SLC14A2: variants seen among roughly 807,000 people sequenced by gnomAD.
The protein encoded by SLC14A2 is urea transporter 2.
SLC14A2 carries 91 observed loss-of-function variants against 104.6 expected under a neutral mutation model. The ratio of observed to expected loss-of-function variants is 0.87; its 90% CI spans 0.73 to 1.04. The LOEUF (loss-of-function observed/expected upper bound fraction) is 1.04, where lower values mean the gene tolerates loss of function less well. SLC14A2 is among the 50% of genes least tolerant of loss of function. The pLI, the probability that SLC14A2 is intolerant of heterozygous loss-of-function variation, is 0.00. For missense variants in SLC14A2, 1,189 were observed against 1,156.0 expected (o/e 1.03, Z -0.41); for synonymous variants, 476 against 466.4 (o/e 1.02, Z -0.27).
At chr18:45,413,990 A>G (rs2086242315) in intron 1 of SLC14A2, among the ~76,000 whole-genome samples, 1 of 152,254 alleles carries the variant, frequency 6.6e-6, no homozygotes, top group African/African-American at 2.4e-5. Context: ...CTATATTTGA[A>G]GAATGAGACC....
At chr18:45,595,764 C>T (rs928587109) in intron 2 of SLC14A2, among the ~76,000 whole-genome samples, 2 of 152,144 alleles carry the variant, frequency 1.3e-5, no homozygotes, top group Admixed American at 6.5e-5. Flanking sequence ...AGGTACTCAG[C>T]GGCAGCCTTT....
chr18:45,355,924 A>T (rs1331539178), intron 1 of SLC14A2, among the ~76,000 whole-genome samples: 1 of 152,208 alleles, frequency 6.6e-6, no homozygotes, highest in Non-Finnish European at 1.5e-5. Flanking sequence ...GGAGCTGAAT[A>T]CAGGAGCTGG....
chr18:45,494,345 G>A (rs192122449), intron 2 of SLC14A2, among the ~76,000 whole-genome samples: 16 of 152,294 alleles, frequency 1.1e-4, no homozygotes, highest in Non-Finnish European at 1.9e-4. Context: ...GAAACAAGAA[G>A]TGCCGCTTCT....
intron 2 of SLC14A2, among the ~76,000 whole-genome samples, chr18:45,598,902 T>TTACC: frequency 6.6e-6 from 1 of 152,186 alleles, no homozygotes; most frequent in Non-Finnish European, 1.5e-5. Flanking sequence ...TTTAACTTTC[T>TTACC]TACCCCAAGG....
intron 1 of SLC14A2, among the ~76,000 whole-genome samples, chr18:45,328,205 A>T (rs992878596): frequency 6.6e-6 from 1 of 152,160 alleles, no homozygotes; most frequent in Non-Finnish European, 1.5e-5. Context: ...CCTGCCTCTC[A>T]TATGAAAGCA....
At chr18:45,440,141 G>A (rs926352706) in intron 1 of SLC14A2, among the ~76,000 whole-genome samples, 3 of 152,110 alleles carry the variant, frequency 2.0e-5, no homozygotes. Context: ...AAAGGAGTAT[G>A]AATATGGGCC....
intron 1 of SLC14A2, among the ~76,000 whole-genome samples, chr18:45,419,032 T>C (rs576156243): frequency 6.6e-6 from 1 of 152,324 alleles, no homozygotes; most frequent in East Asian, 1.9e-4. Flanking sequence ...TAGAGTCTCT[T>C]CATTTGATTT....
At chr18:45,355,633 G>A (rs572908258) in intron 1 of SLC14A2, among the ~76,000 whole-genome samples, 2 of 150,958 alleles carry the variant, frequency 1.3e-5, no homozygotes, top group Admixed American at 6.6e-5. Flanking sequence ...GGGCAGTTGG[G>A]GAGGAAAGGT....
At position 45,366,703 on chromosome 18, in the gene SLC14A2, C is replaced by T. The variant is rs1232338100; in HGVS notation, c.-124-116530C>T. On this transcript the variant is annotated intron_variant, in intron 1 of 20. Coordinates refer to the SLC14A2 transcript ENST00000586448. ...GGACCCATGCGTGAATCCCTCTCTC[C>T]CACTTCCTTACCTCCATGCTTACCT... 2.0e-5 allele frequency among the ~76,000 whole-genome samples: 3 copies of T among 152,280 alleles called. No individual in the cohort carries two copies. The East Asian group carries it at 5.8e-4, about 29-fold the overall frequency.
At chr18:45,244,172 T>C (rs2084346265) in intron 1 of SLC14A2, among the ~76,000 whole-genome samples, 3 of 152,230 alleles carry the variant, frequency 2.0e-5, no homozygotes, top group Admixed American at 2.0e-4. Context: ...TTCCTCAATA[T>C]ATAACTTCAC....
At chr18:45,489,585 A>G (rs1040023870) in intron 2 of SLC14A2, among the ~76,000 whole-genome samples, 4 of 152,182 alleles carry the variant, frequency 2.6e-5, no homozygotes, top group African/African-American at 4.8e-5. Context: ...GAAGAAATTG[A>G]GATTCAAAGA....
intron 1 of SLC14A2, among the ~76,000 whole-genome samples, chr18:45,480,552 C>A (rs749251988): frequency 1.3e-5 from 2 of 152,184 alleles, no homozygotes; most frequent in Non-Finnish European, 2.9e-5. Context: ...ATACAATGAC[C>A]AGCCATCTCT....
intron 1 of SLC14A2, among the ~76,000 whole-genome samples, chr18:45,437,114 G>A (rs1476904227): frequency 6.6e-6 from 1 of 152,190 alleles, no homozygotes; most frequent in African/African-American, 2.4e-5. Context: ...ATGGACGCAC[G>A]CATGAGTGCG....
chr18:45,345,862 C>A (rs2144294245), intron 1 of SLC14A2, among the ~76,000 whole-genome samples: 1 of 152,226 alleles, frequency 6.6e-6, no homozygotes, highest in East Asian at 1.9e-4. Flanking sequence ...AGAAAATGTG[C>A]ATATTTAAAT....
At chr18:45,170,032 G>A in the SLC14A2 span, among the ~76,000 whole-genome samples, 1 of 152,174 alleles carries the variant, frequency 6.6e-6, no homozygotes, top group Non-Finnish European at 1.5e-5. Flanking sequence ...CTGCAATGAT[G>A]AGTAAAATCT....
chr18:45,373,973 A>G (rs2085748757), intron 1 of SLC14A2, among the ~76,000 whole-genome samples: 3 of 152,188 alleles, frequency 2.0e-5, no homozygotes, highest in African/African-American at 7.2e-5. Context: ...AAAGGAGTGA[A>G]CACATTGTGG....
At chr18:45,273,582 T>G (rs1353683433) in intron 1 of SLC14A2, among the ~76,000 whole-genome samples, 1 of 152,180 alleles carries the variant, frequency 6.6e-6, no homozygotes, top group Non-Finnish European at 1.5e-5. Context: ...ATAATGTGTG[T>G]GTATTTGTGG....
chr18:45,548,731 G>A (rs2044010440), intron 2 of SLC14A2, among the ~76,000 whole-genome samples: 1 of 152,178 alleles, frequency 6.6e-6, no homozygotes, highest in Non-Finnish European at 1.5e-5. Flanking sequence ...ATAGTTTACA[G>A]CTACCCGGGA....
Position 45,508,781 on chromosome 18 carries a change from A to G in SLC14A2, c.-35+25459A>G, listed in dbSNP as rs546479520. On this transcript the variant is annotated intron_variant, in intron 2 of 20. Transcript: ENST00000586448. ...AGGCCCAGTCCCTCAACTGGACTTT[A>G]TCAAAGGGCTACTAGGTTCAAGGCA... is the stretch of plus-strand genomic sequence containing the variant. 1.0e-3 allele frequency among the ~76,000 whole-genome samples: 152 copies of G among 152,322 alleles called. 1 individual carries two copies. The highest frequency in any genetic ancestry group is 1.7e-3 in the East Asian group (9 of 5,188).
Sources: allele counts gnomAD v4.1 joint callset (sites outside exome capture counted in the v4.1 genomes callset), GRCh38; gene constraint gnomAD v4.1.1; transcripts MANE v1.5; gene names NCBI Gene and HGNC (gene_info 2026-07-23, HGNC 2026-07-21).